The following DMD variants were observed in gnomAD, a reference collection of about 807,000 sequenced individuals.
DMD encodes dystrophin.
A neutral mutation model predicts 330.1 loss-of-function variants in DMD; 63 were observed. That is an observed-to-expected ratio of 0.19 (90% CI 0.16 to 0.24). The LOEUF (loss-of-function observed/expected upper bound fraction) is 0.24. Among genes scored for constraint, DMD ranks in the 10% least tolerant of loss-of-function variants. The pLI, the probability that DMD is intolerant of heterozygous loss-of-function variation, is 1.00. For synonymous variants in DMD, 1,223 were observed against 959.8 expected, an observed-to-expected ratio of 1.27 and a Z score of -5.07; for missense variants, 3,344 against 2,684.1, an observed-to-expected ratio of 1.25 and a Z score of -5.43.
chrX:31,551,408 C>G (rs1038426603), intron 55 of DMD, among the ~76,000 whole-genome samples: 2 of 110,454 alleles, frequency 1.8e-5, no homozygotes, highest in Admixed American at 9.7e-5. Context: ...CATCTACCAC[C>G]CCAAAGCTAA....
At chrX:33,211,597 C>T (rs1432303454), upstream of DMD, 30 of 977,890 alleles carry the variant, frequency 3.1e-5, no homozygotes, top group Middle Eastern at 4.5e-4. Flanking sequence ...CCAGGACCTG[C>T]GCACAAGCAA....
chrX:31,494,383 A>C (rs1172085118), intron 57 of DMD, among the ~76,000 whole-genome samples: 1 of 111,592 alleles, frequency 9.0e-6, no homozygotes, highest in Non-Finnish European at 1.9e-5. Flanking sequence ...CAAGTTATTA[A>C]AATTTAGATG....
intron 44 of DMD, among the ~76,000 whole-genome samples, chrX:32,019,678 T>G (rs2095793426): frequency 8.9e-6 from 1 of 112,258 alleles, no homozygotes; most frequent in Admixed American, 9.5e-5. Context: ...ATGCTGTACT[T>G]TGTCCCATCT....
intron 50 of DMD, among the ~76,000 whole-genome samples, chrX:31,790,321 T>C (rs977049680): frequency 6.3e-5 from 7 of 111,246 alleles, no homozygotes; most frequent in Admixed American, 5.8e-4. Context: ...AAATGGATAA[T>C]CTTCCCCTAT....
intron 76 of DMD, among the ~76,000 whole-genome samples, chrX:31,144,460 A>G (rs1176076427): frequency 8.9e-6 from 1 of 111,868 alleles, no homozygotes; most frequent in African/African-American, 3.3e-5. Flanking sequence ...TACTTCCATG[A>G]TATCCAACTT....
In DMD at chrX:32,856,063, T is replaced by C. The variant is rs1276815499; in HGVS notation, c.94-6243A>G. 3.6e-5 allele frequency among the ~76,000 whole-genome samples: 4 copies of C among 112,215 alleles called. No homozygotes were observed. The Admixed American group carries it at 3.8e-4, about 11-fold the overall frequency. ...ATGTCAAAGAGGAATATGAAAAGGTTGTCACTATCATTGATCAGAGAAATG... is the reference window on the plus strand; with the variant it reads ...ATGTCAAAGAGGAATATGAAAAGGTCGTCACTATCATTGATCAGAGAAATG... On this transcript the variant is annotated intron_variant, in intron 2 of 78. Transcript: ENST00000357033.
intron 5 of DMD, among the ~76,000 whole-genome samples, chrX:32,819,108 G>A (rs781674585): frequency 1.1e-3 from 115 of 101,004 alleles, no homozygotes; most frequent in Non-Finnish European, 1.9e-3. Context: ...GTGATTAAAA[G>A]AAGTTGCAGC....
intron 44 of DMD, among the ~76,000 whole-genome samples, chrX:32,107,911 A>G (rs1040388174): frequency 3.6e-5 from 4 of 111,175 alleles, no homozygotes; most frequent in African/African-American, 6.5e-5. Context: ...TAGAATGTCC[A>G]GGGACTTTTT....
At chrX:31,133,892 G>T (rs1387680096) in intron 77 of DMD, among the ~76,000 whole-genome samples, 1 of 112,302 alleles carries the variant, frequency 8.9e-6, no homozygotes, top group Non-Finnish European at 1.9e-5. Flanking sequence ...TCTTATTTTT[G>T]GAAACATGTT....
At chrX:32,634,622 G>A (rs2058967739) in intron 11 of DMD, among the ~76,000 whole-genome samples, 1 of 111,987 alleles carries the variant, frequency 8.9e-6, no homozygotes, top group South Asian at 3.7e-4. Context: ...GGTGTGTTCA[G>A]AAATGTTATC....
intron 5 of DMD, among the ~76,000 whole-genome samples, chrX:32,818,895 C>T (rs376923681): frequency 9.0e-6 from 1 of 110,568 alleles, no homozygotes; most frequent in African/African-American, 3.3e-5. Flanking sequence ...TCTGAGGGGT[C>T]ATCCTAGCTG....
intron 60 of DMD, among the ~76,000 whole-genome samples, chrX:31,406,487 G>A (rs1040371492): frequency 9.0e-6 from 1 of 111,368 alleles, no homozygotes; most frequent in Non-Finnish European, 1.9e-5. Context: ...CCATGATACA[G>A]CATGGTCTTG....
intron 2 of DMD, among the ~76,000 whole-genome samples, chrX:32,996,709 T>C (rs2093129973): frequency 9.1e-6 from 1 of 109,293 alleles, no homozygotes; most frequent in African/African-American, 3.3e-5. Flanking sequence ...CCCAGCTACC[T>C]GGGAGGCCGA....
chrX:32,787,552 T>TAC (rs1339065565), intron 7 of DMD, among the ~76,000 whole-genome samples: 42 of 111,237 alleles, frequency 3.8e-4, no homozygotes, highest in African/African-American at 1.3e-3. Flanking sequence ...GCCCTATATA[T>TAC]ACTGTTTTTC....
intron 2 of DMD, among the ~76,000 whole-genome samples, chrX:32,889,396 C>G (rs917005073): frequency 9.0e-6 from 1 of 110,617 alleles, no homozygotes; most frequent in Admixed American, 9.6e-5. Flanking sequence ...GGAACAAGGT[C>G]CCTATGGGAT....
At chrX:31,531,770 G>A (rs184051108) in intron 55 of DMD, among the ~76,000 whole-genome samples, 2 of 107,086 alleles carry the variant, frequency 1.9e-5, no homozygotes, top group Non-Finnish European at 3.8e-5. Flanking sequence ...CTAGAATAAC[G>A]AATACAGAGA....
intron 41 of DMD, among the ~76,000 whole-genome samples, chrX:32,321,142 T>C (rs1291882294): frequency 8.9e-6 from 1 of 111,738 alleles, no homozygotes; most frequent in Non-Finnish European, 1.9e-5. Context: ...TGCACATGTA[T>C]GTATGTACGT....
intron 41 of DMD, among the ~76,000 whole-genome samples, chrX:32,335,235 T>A (rs1392397989): frequency 9.2e-6 from 1 of 109,090 alleles, no homozygotes; most frequent in Non-Finnish European, 1.9e-5. Context: ...GGGGTCTCAA[T>A]CTGTTGCCCA....
intron 1 of DMD, among the ~76,000 whole-genome samples, chrX:33,057,167 G>T (rs1432438457): frequency 1.8e-5 from 2 of 111,602 alleles, no homozygotes; most frequent in African/African-American, 6.5e-5. Context: ...ACAAATGCCA[G>T]ATAATATTGT....
Sources: allele counts gnomAD v4.1 joint callset (sites outside exome capture counted in the v4.1 genomes callset), GRCh38; gene constraint gnomAD v4.1.1; transcripts MANE v1.5; gene names NCBI Gene and HGNC (gene_info 2026-07-23, HGNC 2026-07-21).